Variants in PRICKLE1 observed in about 807,000 individuals in gnomAD.
The protein encoded by PRICKLE1 is prickle planar cell polarity protein 1.
A neutral mutation model predicts 70.2 loss-of-function variants in PRICKLE1; 14 were observed. That is an observed-to-expected ratio of 0.20 (90% CI 0.13 to 0.31). The LOEUF (loss-of-function observed/expected upper bound fraction) is 0.31, where lower values mean the gene tolerates loss of function less well. Among genes scored for constraint, PRICKLE1 ranks in the 10% least tolerant of loss-of-function variants. The pLI, the probability that PRICKLE1 is intolerant of heterozygous loss-of-function variation, is 1.00. For synonymous variants in PRICKLE1, 357 were observed against 379.9 expected (o/e 0.94, Z 0.70); for missense variants, 821 against 1,026.2 (o/e 0.80, Z 2.73).
At chr12:42,541,833 G>GTGAGC (rs1940121853) in intron 1 of PRICKLE1, among the ~76,000 whole-genome samples, 1 of 152,184 alleles carries the variant, frequency 6.6e-6, no homozygotes, top group African/African-American at 2.4e-5. Flanking sequence ...AGGTAGAATA[G>GTGAGC]TGAGCATGTT....
At chr12:42,485,699 A>G (rs1938976346) in intron 1 of PRICKLE1, among the ~76,000 whole-genome samples, 1 of 152,232 alleles carries the variant, frequency 6.6e-6, no homozygotes, top group Non-Finnish European at 1.5e-5. Context: ...AGCCAGGCAG[A>G]CCCTTTTTGG....
At chr12:42,466,426 GA>G (rs773110205) in intron 5 of PRICKLE1, 46 bp from the exon 6 acceptor site, 16 of 1,577,342 alleles carry the variant, frequency 1.0e-5, no homozygotes, top group African/African-American at 1.3e-5. Context: ...AAATCATTAG[GA>G]ACTATTTTAA....
intron 1 of PRICKLE1, among the ~76,000 whole-genome samples, chr12:42,504,609 G>T (rs1052479163): frequency 5.9e-5 from 9 of 152,194 alleles, no homozygotes; most frequent in Admixed American, 4.6e-4. Context: ...AGTAACTTAG[G>T]GGGAAAATGG....
At chr12:42,494,808 A>T (rs1282816243) in intron 1 of PRICKLE1, among the ~76,000 whole-genome samples, 1 of 134,656 alleles carries the variant, frequency 7.4e-6, no homozygotes, top group Non-Finnish European at 1.6e-5. Flanking sequence ...CTCTGTCTCT[A>T]AAAAAAAAAA....
In PRICKLE1 at chr12:42,506,567, CTTTTTTTTTTTTTTTTTT is replaced by C. The variant is rs139103281; in HGVS notation, c.-48-34021_-48-34004del. ...CCACCGCGCCCAGCTCAATAGTGTT[CTTTTTTTTTTTTTTTTTT>C]TTTTTTTTTTGAGACAGTCTCACTC... On this transcript the variant is annotated intron_variant, in intron 1 of 7. Transcript: ENST00000345127. Among the ~76,000 whole-genome samples the C allele has an allele frequency of 7.1e-4, 46 of 64,632 alleles. No individual in the cohort carries two copies. The Admixed American group carries it at 7.9e-3, about 11-fold the overall frequency. 42.4% of individuals were successfully genotyped at this position (64,632 alleles called of 152,430 possible).
rs769860194 is a variant in PRICKLE1, at chr12:42,465,090, G to C, written c.944C>G (p.Ser315Cys). 3 of 1,566,326 alleles carry C rather than the reference G, an allele frequency of 1.9e-6. No homozygotes were observed. Among genetic ancestry groups the C allele is most frequent in the Non-Finnish European group, 1.7e-6 (2 of 1,160,346 alleles). ...CTGAAATGCAGAGTCGGAAGAATCAGAGGCATGGACGTCTTCACCAAGACT... is the reference window on the plus strand; with the variant it reads ...CTGAAATGCAGAGTCGGAAGAATCACAGGCATGGACGTCTTCACCAAGACT... ...TCSLGEDVHASDSSDSAFQSA... is the reference protein window; with the variant it reads ...TCSLGEDVHACDSSDSAFQSA... The change falls in exon 7 of 8, where the codon TCT becomes TGT. Residue 315 changes from serine to cysteine, a missense_variant. Physicochemically the swap from Ser to Cys is moderately radical, Grantham distance 112. Transcript: ENST00000345127.
intron 1 of PRICKLE1, among the ~76,000 whole-genome samples, chr12:42,527,988 T>C (rs1046443070): frequency 3.8e-4 from 53 of 138,698 alleles, no homozygotes; most frequent in African/African-American, 1.2e-3. Flanking sequence ...AAGTTTTATA[T>C]ACTATCTTTT....
intron 1 of PRICKLE1, among the ~76,000 whole-genome samples, chr12:42,497,392 AAAC>A (rs1390383020): frequency 1.3e-5 from 2 of 151,864 alleles, no homozygotes; most frequent in Non-Finnish European, 2.9e-5. Flanking sequence ...AAAAATACAA[AAAC>A]AAAATTAGCA....
intron 1 of PRICKLE1, among the ~76,000 whole-genome samples, chr12:42,518,281 C>A (rs1214611073): frequency 6.6e-6 from 1 of 152,110 alleles, no homozygotes; most frequent in Non-Finnish European, 1.5e-5. Context: ...TGGACTCAAG[C>A]AATCCTTCTG....
At chr12:42,480,065 C>T (rs1191321880) in intron 1 of PRICKLE1, among the ~76,000 whole-genome samples, 1 of 152,178 alleles carries the variant, frequency 6.6e-6, no homozygotes, top group African/African-American at 2.4e-5. Context: ...ATTTTGAGCA[C>T]AGTAGAAAAC....
At chr12:42,511,498 T>C (rs750834446) in intron 1 of PRICKLE1, among the ~76,000 whole-genome samples, 21 of 152,252 alleles carry the variant, frequency 1.4e-4, no homozygotes, top group Non-Finnish European at 2.4e-4. Context: ...TTATTGAATT[T>C]CCTCTGAGGG....
chr12:42,460,172 T>A lies in PRICKLE1; in HGVS notation c.2133A>T (p.Lys711Asn). The stretch of plus-strand genomic sequence containing the variant: ...CCCGGGCACTTTTATTCTGTATAAA[T>A]TTCTCATAGTTATCGGGGGTGTACA... ...LRLYTPDNYE[K>N]FIQNKSAREI... Residue 711 changes from lysine (K) to asparagine (N), a missense_variant, in exon 8 of 8, where the codon AAA (lysine) becomes AAT (asparagine). Lys to Asn is a moderately conservative substitution (Grantham distance 94). Coordinates refer to ENST00000345127, the MANE Select transcript of PRICKLE1 (RefSeq NM_153026.3). 1 of 1,614,068 alleles carries A rather than the reference T, an allele frequency of 6.2e-7. No homozygotes were observed. The highest frequency in any genetic ancestry group is 8.5e-7 in the Non-Finnish European group (1 of 1,180,020).
chr12:42,502,941 G>A (rs924239307), intron 1 of PRICKLE1, among the ~76,000 whole-genome samples: 1 of 152,190 alleles, frequency 6.6e-6, no homozygotes, highest in Non-Finnish European at 1.5e-5. Flanking sequence ...TGAAATTAAA[G>A]ATGTTTTAAA....
At chr12:42,573,428 C>G (rs1940755527) in intron 1 of PRICKLE1, among the ~76,000 whole-genome samples, 1 of 152,132 alleles carries the variant, frequency 6.6e-6, no homozygotes. Flanking sequence ...ATTATACCAT[C>G]AGTTCTCTTT....
chr12:42,516,037 T>G (rs1318003087), intron 1 of PRICKLE1, among the ~76,000 whole-genome samples: 1 of 152,208 alleles, frequency 6.6e-6, no homozygotes, highest in Non-Finnish European at 1.5e-5. Flanking sequence ...TCTCATCTTT[T>G]CTCTCCGATT....
chr12:42,486,652 C>G (rs1459999322), intron 1 of PRICKLE1, among the ~76,000 whole-genome samples: 1 of 152,232 alleles, frequency 6.6e-6, no homozygotes, highest in Non-Finnish European at 1.5e-5. Flanking sequence ...GCGCTAATCC[C>G]TGGTTCTTCC....
At chr12:42,499,630 A>G (rs1478283790) in intron 1 of PRICKLE1, among the ~76,000 whole-genome samples, 3 of 152,172 alleles carry the variant, frequency 2.0e-5, no homozygotes, top group East Asian at 3.8e-4. Flanking sequence ...CATGTTGGCC[A>G]GGCTGGTCTT....
intron 1 of PRICKLE1, among the ~76,000 whole-genome samples, chr12:42,495,118 C>T (rs1939171958): frequency 6.6e-6 from 1 of 151,602 alleles, no homozygotes; most frequent in Non-Finnish European, 1.5e-5. Flanking sequence ...CCTGTAATCC[C>T]AGCACTTTGG....
At chr12:42,493,079 A>G (rs1407157980) in intron 1 of PRICKLE1, among the ~76,000 whole-genome samples, 1 of 152,152 alleles carries the variant, frequency 6.6e-6, no homozygotes, top group African/African-American at 2.4e-5. Context: ...AAGTGAGTCA[A>G]CTCATTAGAG....
Sources: gnomAD v4.1 joint callset for allele counts (sites outside exome capture counted in the v4.1 genomes callset) on GRCh38, gnomAD v4.1.1 for gene constraint, MANE v1.5 for transcripts, NCBI Gene and HGNC (gene_info 2026-07-23, HGNC 2026-07-21) for gene names.